The following IL18RAP variants were observed in gnomAD, a reference collection of about 807,000 sequenced individuals.
IL18RAP encodes interleukin-18 receptor accessory protein.
Under a neutral mutation model 58.1 loss-of-function variants are expected in IL18RAP, and 37 were observed. That is an observed-to-expected ratio of 0.64 (90% CI 0.49 to 0.84). The LOEUF (loss-of-function observed/expected upper bound fraction) is 0.84. Ranked by LOEUF, IL18RAP falls within the 40% of genes least tolerant of loss-of-function variation. The pLI is 0.00. For synonymous variants in IL18RAP, 268 were observed against 257.5 expected, an observed-to-expected ratio of 1.04 and a Z score of -0.39; for missense variants, 667 against 704.8, an observed-to-expected ratio of 0.95 and a Z score of 0.61.
chr2:102,437,508 T>A (rs935487953), intron 4 of IL18RAP, 146 bp downstream of exon 4: 1 of 700,162 alleles, frequency 1.4e-6, no homozygotes, highest in Non-Finnish European at 2.1e-6. Context: ...TGGGCAAACA[T>A]CAAAGTTGCC....
chr2:102,419,938 C>G (rs1254583384), upstream of IL18RAP: 2 of 152,230 alleles, frequency 1.3e-5, no homozygotes, highest in East Asian at 3.8e-4. Flanking sequence ...TTCCCATAAG[C>G]AGAGTCTGAA....
intron 8 of IL18RAP, 27 bp downstream of exon 8, chr2:102,447,234 C>G (rs1175051179): frequency 1.2e-6 from 2 of 1,603,436 alleles, no homozygotes; most frequent in African/African-American, 2.7e-5. Context: ...ATGCAGCCCT[C>G]TGACTTTTCC....
chr2:102,445,420 A>G, intron 7 of IL18RAP, 80 bp downstream of exon 7: 5 of 1,365,882 alleles, frequency 3.7e-6, no homozygotes, highest in Non-Finnish European at 5.2e-6. Context: ...AATAGTAATA[A>G]TGATGACAGC....
chr2:102,437,995 A>G (rs1386187563), intron 4 of IL18RAP, among the ~76,000 whole-genome samples: 1 of 152,178 alleles, frequency 6.6e-6, no homozygotes, highest in Non-Finnish European at 1.5e-5. Flanking sequence ...CTTTGTTCCC[A>G]AATAATACTT....
upstream of IL18RAP, chr2:102,423,089 G>T (rs1681679139): frequency 3.5e-5 from 22 of 631,848 alleles, 1 homozygote; most frequent in South Asian, 3.5e-4. Flanking sequence ...GGCCGGTTTG[G>T]GTAGGACCTG....
intron 8 of IL18RAP, among the ~76,000 whole-genome samples, chr2:102,448,828 G>A (rs1262293521): frequency 6.6e-6 from 1 of 151,986 alleles, no homozygotes; most frequent in Non-Finnish European, 1.5e-5. Context: ...GGGCGTGGTG[G>A]TACCCACCTG....
At chr2:102,450,314 T>C (rs185001362) in intron 8 of IL18RAP, among the ~76,000 whole-genome samples, 7 of 73,836 alleles carry the variant, frequency 9.5e-5, no homozygotes, top group Admixed American at 4.5e-4. Flanking sequence ...GAAGTTCATA[T>C]ACATTATCTC....
chr2:102,423,107 A>G, upstream of IL18RAP: 2 of 694,134 alleles, frequency 2.9e-6, no homozygotes, highest in Non-Finnish European at 5.1e-6. Flanking sequence ...CTGCCCTTTC[A>G]AAGCTTCCTG....
At chr2:102,426,375 A>G (rs1681942939) in intron 3 of IL18RAP, among the ~76,000 whole-genome samples, 2 of 152,150 alleles carry the variant, frequency 1.3e-5, no homozygotes, top group African/African-American at 2.4e-5. Context: ...GAGTCTCTGG[A>G]GCATTCCACA....
intron 3 of IL18RAP, among the ~76,000 whole-genome samples, chr2:102,433,112 G>A (rs1303715657): frequency 6.6e-6 from 1 of 152,020 alleles, no homozygotes; most frequent in African/African-American, 2.4e-5. Context: ...CTTGCACCTT[G>A]AATAACATTT....
intron 7 of IL18RAP, among the ~76,000 whole-genome samples, chr2:102,446,183 G>A (rs1345976522): frequency 6.6e-6 from 1 of 152,108 alleles, no homozygotes; most frequent in South Asian, 2.1e-4. Context: ...TTTACGAGGG[G>A]AAAAAATAAA....
chr2:102,432,541 C>T (rs1682447566), intron 3 of IL18RAP, among the ~76,000 whole-genome samples: 3 of 152,178 alleles, frequency 2.0e-5, no homozygotes, highest in Admixed American at 6.5e-5. Context: ...GATTGCTGCT[C>T]AGCAATTTGG....
At chr2:102,425,764 C>T (rs1243264153) in intron 3 of IL18RAP, among the ~76,000 whole-genome samples, 1 of 152,136 alleles carries the variant, frequency 6.6e-6, no homozygotes, top group African/African-American at 2.4e-5. Flanking sequence ...AATGATCATA[C>T]ACCTGAAGTG....
chr2:102,439,060 T>G (rs1682937867), intron 4 of IL18RAP: 1 of 152,166 alleles, frequency 6.6e-6, no homozygotes, highest in Admixed American at 6.5e-5. Context: ...CATCTGGGAG[T>G]AGGACTGACA....
At chr2:102,442,921 A>C (rs1391167011) in intron 5 of IL18RAP, among the ~76,000 whole-genome samples, 1 of 152,190 alleles carries the variant, frequency 6.6e-6, no homozygotes, top group Non-Finnish European at 1.5e-5. Flanking sequence ...CCCTCAATCC[A>C]CATAAGGACC....
chr2:102,438,170 T>G (rs1338943615), intron 4 of IL18RAP, among the ~76,000 whole-genome samples: 2 of 152,222 alleles, frequency 1.3e-5, no homozygotes, highest in African/African-American at 4.8e-5. Flanking sequence ...TGTCCTAACC[T>G]TTCCCTTGGG....
At chr2:102,441,238 G>A (rs1573292078) in intron 4 of IL18RAP, 74 bp from the exon 5 acceptor site, 3 of 1,072,488 alleles carry the variant, frequency 2.8e-6, no homozygotes, top group East Asian at 4.9e-5. Flanking sequence ...AAGTGTGGCT[G>A]TGCACCTAAA....
At chr2:102,420,277 G>A (rs960587496), upstream of IL18RAP, among the ~76,000 whole-genome samples, 1 of 152,200 alleles carries the variant, frequency 6.6e-6, no homozygotes, top group Non-Finnish European at 1.5e-5. Flanking sequence ...TCTCCCAGAT[G>A]AGCGTGGTGG....
intron 4 of IL18RAP, chr2:102,438,687 T>C (rs1682908338): frequency 6.6e-6 from 1 of 152,204 alleles, no homozygotes; most frequent in Admixed American, 6.5e-5. Context: ...TCTGTTGTCA[T>C]CCCTGTCTTC....
Sources: gnomAD v4.1 joint callset for allele counts (sites outside exome capture counted in the v4.1 genomes callset) on GRCh38, gnomAD v4.1.1 for gene constraint, MANE v1.5 for transcripts, NCBI Gene and HGNC (gene_info 2026-07-23, HGNC 2026-07-21) for gene names.